The following FAF1 variants were observed in gnomAD, a reference collection of about 807,000 sequenced individuals.
FAF1 encodes Fas associated factor 1.
Under a neutral mutation model 92.5 loss-of-function variants are expected in FAF1, and 25 were observed. That is an observed-to-expected ratio of 0.27 (90% CI 0.20 to 0.38). The LOEUF is 0.38. Ranked by LOEUF, FAF1 falls within the 10% of genes least tolerant of loss-of-function variation. The probability of loss-of-function intolerance (pLI) is 1.00; values close to 1 mark genes in which losing one functional copy is unlikely to be tolerated. For synonymous variants in FAF1, 234 were observed against 273.2 expected (o/e 0.86, Z 1.42); for missense variants, 636 against 793.3 (o/e 0.80, Z 2.38).
chr1:50,952,701 G>A (rs551959383), intron 1 of FAF1, among the ~76,000 whole-genome samples: 1 of 150,410 alleles, frequency 6.6e-6, no homozygotes, highest in East Asian at 2.0e-4. Flanking sequence ...TGAGATGTGG[G>A]GAGCGCCTCT....
At position 50,601,533 on chromosome 1, in the gene FAF1, C is replaced by T. The variant is rs528217560; in HGVS notation, c.745-5317G>A. Among the ~76,000 whole-genome samples the T allele has an allele frequency of 2.0e-5, 3 of 152,050 alleles. No individual in the cohort carries two copies. In the East Asian group the frequency reaches 5.8e-4, roughly 30 times the overall value. On this transcript the variant is annotated intron_variant, in intron 8 of 18. Coordinates refer to ENST00000396153, the MANE Select transcript of FAF1 (RefSeq NM_007051.3). ...CCCGTCTCTACTAAAAATACAAAAA[C>T]TAGCTCGGCATGGTGGCGGGAGCCT...
intron 2 of FAF1, among the ~76,000 whole-genome samples, chr1:50,836,801 T>A (rs1253519500): frequency 6.6e-6 from 1 of 152,118 alleles, no homozygotes; most frequent in African/African-American, 2.4e-5. Context: ...CAGCATTTAA[T>A]CTTAAGAATA....
intron 2 of FAF1, among the ~76,000 whole-genome samples, chr1:50,812,629 T>A: frequency 6.6e-6 from 1 of 152,190 alleles, no homozygotes; most frequent in East Asian, 1.9e-4. Context: ...TTGGTGGCAA[T>A]GTAACTTAGT....
At chr1:50,537,461 C>T (rs1285923529) in intron 14 of FAF1, among the ~76,000 whole-genome samples, 1 of 151,954 alleles carries the variant, frequency 6.6e-6, no homozygotes, top group Non-Finnish European at 1.5e-5. Flanking sequence ...TCTCAGGACC[C>T]CTTTACACTG....
At chr1:50,465,699 G>T (rs1240827407) in intron 18 of FAF1, among the ~76,000 whole-genome samples, 1 of 152,172 alleles carries the variant, frequency 6.6e-6, no homozygotes, top group East Asian at 1.9e-4. Context: ...GGAAGGTAGG[G>T]CAGAGAGGGC....
intron 1 of FAF1, among the ~76,000 whole-genome samples, chr1:50,858,536 C>A (rs998843810): frequency 2.6e-5 from 4 of 151,588 alleles, no homozygotes; most frequent in African/African-American, 4.8e-5. Context: ...GCTATAAGTA[C>A]GAAATACACA....
At chr1:50,715,558 A>G (rs1048473441) in intron 6 of FAF1, among the ~76,000 whole-genome samples, 11 of 152,364 alleles carry the variant, frequency 7.2e-5, no homozygotes, top group African/African-American at 2.6e-4. Flanking sequence ...TACCTATGCC[A>G]TTAACAGTTC....
chr1:50,714,947 G>A, intron 6 of FAF1: 1 of 394,226 alleles, frequency 2.5e-6, no homozygotes, highest in Non-Finnish European at 4.9e-6. Context: ...CAAATTTGAA[G>A]AGAAAATGTA....
At chr1:50,522,141 T>C (rs1009588498) in intron 15 of FAF1, among the ~76,000 whole-genome samples, 5 of 152,210 alleles carry the variant, frequency 3.3e-5, no homozygotes, top group African/African-American at 1.2e-4. Context: ...CTAGTGAATA[T>C]AATATTTGCG....
At chr1:50,705,585 A>G (rs182321250) in intron 7 of FAF1, among the ~76,000 whole-genome samples, 46 of 152,358 alleles carry the variant, frequency 3.0e-4, no homozygotes, top group African/African-American at 1.1e-3. Context: ...AAAATTATCA[A>G]GAGTTCCCAT....
At chr1:50,788,894 C>A (rs1031278260) in intron 3 of FAF1, among the ~76,000 whole-genome samples, 4 of 152,146 alleles carry the variant, frequency 2.6e-5, no homozygotes, top group African/African-American at 9.7e-5. Context: ...AGCAGTGGCA[C>A]AATCTTGGCT....
At chr1:50,768,462 C>A (rs1329414116) in intron 4 of FAF1, among the ~76,000 whole-genome samples, 4 of 151,998 alleles carry the variant, frequency 2.6e-5, no homozygotes, top group African/African-American at 4.8e-5. Context: ...GAACTCTACA[C>A]CCAAAAACAA....
At chr1:50,882,650 G>GTGTA (rs1192088987) in intron 1 of FAF1, among the ~76,000 whole-genome samples, 65 of 143,882 alleles carry the variant, frequency 4.5e-4, no homozygotes, top group Non-Finnish European at 8.4e-4. Flanking sequence ...ATAAATAAAT[G>GTGTA]TGTATGTATG....
At chr1:50,894,029 C>T (rs1254745056) in intron 1 of FAF1, among the ~76,000 whole-genome samples, 2 of 152,038 alleles carry the variant, frequency 1.3e-5, no homozygotes, top group African/African-American at 2.4e-5. Flanking sequence ...TCTTGAAGCC[C>T]AAGGGCTGCC....
At chr1:50,554,006 G>A (rs1649432448) in intron 13 of FAF1, among the ~76,000 whole-genome samples, 3 of 151,748 alleles carry the variant, frequency 2.0e-5, no homozygotes, top group Admixed American at 6.6e-5. Context: ...AAAGGCCTGG[G>A]TGGCTGCAAG....
intron 4 of FAF1, among the ~76,000 whole-genome samples, chr1:50,777,011 G>C (rs915411534): frequency 3.3e-5 from 5 of 152,046 alleles, no homozygotes; most frequent in African/African-American, 1.2e-4. Context: ...TCTAATCCTA[G>C]CACTTTGGGA....
At chr1:50,696,944 A>G (rs1657260399) in intron 7 of FAF1, among the ~76,000 whole-genome samples, 1 of 152,236 alleles carries the variant, frequency 6.6e-6, no homozygotes, top group African/African-American at 2.4e-5. Context: ...GTAGGATGAA[A>G]GATTATTACC....
intron 6 of FAF1, among the ~76,000 whole-genome samples, chr1:50,724,308 C>CACACACACACAT (rs1553132440): frequency 2.1e-5 from 3 of 140,096 alleles, no homozygotes; most frequent in African/African-American, 5.1e-5. Flanking sequence ...CACACACACA[C>CACACACACACAT]ACACACACAC....
intron 1 of FAF1, among the ~76,000 whole-genome samples, chr1:50,916,278 G>C (rs1368093017): frequency 6.6e-6 from 1 of 152,154 alleles, no homozygotes; most frequent in African/African-American, 2.4e-5. Flanking sequence ...CCATCTTCTA[G>C]ATGAGGAAAT....
Sources: gnomAD v4.1 joint callset for allele counts (sites outside exome capture counted in the v4.1 genomes callset) on GRCh38, gnomAD v4.1.1 for gene constraint, MANE v1.5 for transcripts, NCBI Gene and HGNC (gene_info 2026-07-23, HGNC 2026-07-21) for gene names.